The following UPF3A variants were observed in gnomAD, a reference collection of about 807,000 sequenced individuals.
UPF3A encodes the protein UPF3A regulator of nonsense mediated mRNA decay.
UPF3A carries 42 observed loss-of-function variants against 53.5 expected under a neutral mutation model. The ratio of observed to expected loss-of-function variants is 0.78; its 90% confidence interval spans 0.61 to 1.01. UPF3A has a LOEUF of 1.01. Among genes scored for constraint, UPF3A ranks in the 50% least tolerant of loss-of-function variants. The pLI, the probability that UPF3A is intolerant of heterozygous loss-of-function variation, is 0.00. For missense variants in UPF3A, 575 were observed against 598.0 expected, an observed-to-expected ratio of 0.96 and a Z score of 0.40; for synonymous variants, 237 against 225.3, an observed-to-expected ratio of 1.05 and a Z score of -0.47.
At chr13:114,287,034 A>G (rs982608405) in intron 5 of UPF3A, 2 of 162,752 alleles carry the variant, frequency 1.2e-5, no homozygotes, top group East Asian at 1.8e-4. Flanking sequence ...TGCTGCTTCA[A>G]CACAAATGCC....
Position 114,291,572 on chromosome 13 carries a change from C to T in UPF3A, c.687+28C>T, listed in dbSNP as rs145835338. ...AGGTCTGGCCTTTACCTGATGAACACCCTCCCTGCTTCTGCCATTCTCATC... is the reference window on the plus strand; with the variant it reads ...AGGTCTGGCCTTTACCTGATGAACATCCTCCCTGCTTCTGCCATTCTCATC... On this transcript the variant is annotated intron_variant, in intron 6 of 9. Coordinates refer to ENST00000375299, the MANE Select transcript of UPF3A (RefSeq NM_023011.4). 6,902 of 1,605,166 alleles carry T rather than the reference C, an allele frequency of 4.3e-3. 339 individuals carry two copies. The South Asian group carries it at 0.073, about 17-fold the overall frequency.
intron 7 of UPF3A, among the ~76,000 whole-genome samples, chr13:114,297,912 G>A (rs1369706153): frequency 6.6e-6 from 1 of 152,214 alleles, no homozygotes; most frequent in Non-Finnish European, 1.5e-5. Flanking sequence ...GGAGGCTGAG[G>A]CAGTAGAGTC....
chr13:114,288,727 T>A (rs2084982941), intron 5 of UPF3A, among the ~76,000 whole-genome samples: 1 of 151,644 alleles, frequency 6.6e-6, no homozygotes. Flanking sequence ...ACGGATAGGG[T>A]GTGGGAGGTA....
chr13:114,284,057 C>T (rs2084402056), intron 3 of UPF3A: 2 of 985,264 alleles, frequency 2.0e-6, no homozygotes, highest in African/African-American at 1.7e-5. Context: ...CTGAGTTTCC[C>T]TTTTTCACTT....
chr13:114,296,253 C>T (rs962876284), intron 7 of UPF3A, among the ~76,000 whole-genome samples: 1 of 152,066 alleles, frequency 6.6e-6, no homozygotes, highest in Non-Finnish European at 1.5e-5. Flanking sequence ...CATGGTGGCG[C>T]ATGCCTGTAG....
chr13:114,296,133 C>T (rs2085971402), intron 7 of UPF3A, among the ~76,000 whole-genome samples: 1 of 152,222 alleles, frequency 6.6e-6, no homozygotes, highest in Non-Finnish European at 1.5e-5. Context: ...GCCTGTAATC[C>T]CAGCTCTTTG....
chr13:114,304,649 T>G, intron 9 of UPF3A, 140 bp from the exon 10 acceptor site: 1 of 1,202,992 alleles, frequency 8.3e-7, no homozygotes, highest in Non-Finnish European at 1.2e-6. Context: ...GATAGTGCTG[T>G]GAAAAAAGGG....
At chr13:114,300,780 C>G (rs1459692288) in intron 8 of UPF3A, among the ~76,000 whole-genome samples, 1 of 152,096 alleles carries the variant, frequency 6.6e-6, no homozygotes, top group Non-Finnish European at 1.5e-5. Flanking sequence ...TTTAGGAGAT[C>G]TGCCTGCCTT....
At position 114,301,741 on chromosome 13, in the gene UPF3A, G is replaced by A. The variant is rs375258220; in HGVS notation, c.1018G>A (p.Gly340Ser). The A allele has an allele frequency of 3.0e-5, 48 of 1,610,200 alleles. No individual in the cohort carries two copies. In the East Asian group the frequency reaches 8.0e-4, roughly 27 times the overall value. The change falls in exon 9 of 10, where the codon GGC (glycine) becomes AGC (serine). Residue 340 changes from glycine (G) to serine (S), a missense_variant. Around this residue, in one of 2 missense-constraint regions of UPF3A, gnomAD observed 323 missense variants for 415.2 expected, o/e 0.78. Coordinates refer to ENST00000375299, the MANE Select transcript of UPF3A (RefSeq NM_023011.4). The stretch of plus-strand genomic sequence containing the variant: ...TGTGTTGAATCATAGGTCACACAGC[G>A]GCAGTGATAAAGAGCACAGGGATGT... ...LEEPQETSHS[G>S]SDKEHRDVER...
intron 5 of UPF3A, among the ~76,000 whole-genome samples, chr13:114,290,289 A>G (rs1239871621): frequency 1.3e-5 from 2 of 152,064 alleles, no homozygotes; most frequent in South Asian, 2.1e-4. Flanking sequence ...CATTTCATCT[A>G]TGATGTCAGG....
chr13:114,295,763 C>T (rs1216188978), intron 7 of UPF3A, among the ~76,000 whole-genome samples: 1 of 152,240 alleles, frequency 6.6e-6, no homozygotes, highest in African/African-American at 2.4e-5. Context: ...TCCTTCGAGG[C>T]AGGGGCACCT....
Position 114,281,779 on chromosome 13 carries a change from C to T in UPF3A, c.140C>T (p.Thr47Ile), listed in dbSNP as rs1035066257. 1.9e-6 allele frequency: 3 copies of T among 1,556,646 alleles called. No homozygotes were observed. Among genetic ancestry groups the T allele is most frequent in the African/African-American group, 1.4e-5 (1 of 73,074 alleles). ...SQQQEAETPP[T>I]SSSGCGGGAG... Reference sequence around the variant, plus strand: ...CAGCAGGAGGCTGAGACGCCGCCAACTTCGTCCTCCGGTTGCGGGGGCGGT... The same window carrying T: ...CAGCAGGAGGCTGAGACGCCGCCAATTTCGTCCTCCGGTTGCGGGGGCGGT... Residue 47 changes from threonine (T) to isoleucine (I), a missense_variant, in exon 1 of 10, where the codon ACT becomes ATT. Coordinates refer to ENST00000375299, the MANE Select transcript of UPF3A (RefSeq NM_023011.4).
At chr13:114,286,216 C>A in intron 3 of UPF3A, 86 bp from the exon 4 acceptor site, 2 of 1,543,588 alleles carry the variant, frequency 1.3e-6, no homozygotes, top group Non-Finnish European at 1.8e-6. Flanking sequence ...GTTACACTTA[C>A]TCTTTAAGTA....
Position 114,297,334 on chromosome 13 carries a change from G to A in UPF3A, c.847-1506G>A, listed in dbSNP as rs988123817. 1.4e-4 allele frequency among the ~76,000 whole-genome samples: 21 copies of A among 151,934 alleles called. 1 individual carries two copies. Among genetic ancestry groups the A allele is most frequent in the Non-Finnish European group, 1.8e-4 (12 of 68,024 alleles). On this transcript the variant is annotated intron_variant, in intron 7 of 9. Coordinates refer to ENST00000375299, the MANE Select transcript of UPF3A (RefSeq NM_023011.4). ...GCATACAGGGCAGATGAAATATGTC[G>A]TGGCGACTTGTTCATTAATTCTGTT...
At position 114,282,013 on chromosome 13, in the gene UPF3A, C is replaced by G. The variant is rs766383425; in HGVS notation, c.208-8C>G. ...GCCCCGGTGGGAACGGCCGCGCGCT[C>G]CCCGCAGGTGGTCATCCGCCGCCTG... On this transcript the variant is annotated splice_polypyrimidine_tract_variant and splice_region_variant and intron_variant, in intron 1 of 9. Coordinates refer to ENST00000375299, the MANE Select transcript of UPF3A (RefSeq NM_023011.4). 3 of 1,548,036 alleles carry G rather than the reference C, an allele frequency of 1.9e-6. No homozygotes were observed. Among genetic ancestry groups the G allele is most frequent in the South Asian group, 1.2e-5 (1 of 84,374 alleles).
intron 2 of UPF3A, chr13:114,282,429 C>T (rs570550322): frequency 8.5e-5 from 84 of 985,088 alleles, no homozygotes; most frequent in African/African-American, 2.8e-4. Flanking sequence ...CTTCCCTGCT[C>T]GTCCGCGGAC....
chr13:114,299,020 T>C lies in UPF3A; in HGVS notation c.1007+20T>C, dbSNP rs2086333033. ...GGAGACGTGAGCGTGCTTTCATTGT[T>C]ATGACCACGTCAGCTCCCAGTCATG... On this transcript the variant is annotated intron_variant, in intron 8 of 9. Transcript: ENST00000375299. 1.9e-6 allele frequency: 3 copies of C among 1,576,984 alleles called. No homozygotes were observed. Among genetic ancestry groups the C allele is most frequent in the Non-Finnish European group, 2.6e-6 (3 of 1,164,868 alleles).
At chr13:114,289,591 C>T (rs2085079186) in intron 5 of UPF3A, among the ~76,000 whole-genome samples, 1 of 151,614 alleles carries the variant, frequency 6.6e-6, no homozygotes, top group Non-Finnish European at 1.5e-5. Flanking sequence ...AAGCTTTTGG[C>T]CTCCAGTGGA....
chr13:114,300,564 C>T (rs1033610478), intron 8 of UPF3A, among the ~76,000 whole-genome samples: 6 of 149,528 alleles, frequency 4.0e-5, no homozygotes, highest in Admixed American at 3.3e-4. Flanking sequence ...TTTTTTGAAA[C>T]GGAGTTTTCC....
Sources: allele counts gnomAD v4.1 joint callset (sites outside exome capture counted in the v4.1 genomes callset), GRCh38; gene constraint gnomAD v4.1.1; regional missense constraint gnomAD v4.1.1; transcripts MANE v1.5; gene names NCBI Gene and HGNC (gene_info 2026-07-23, HGNC 2026-07-21).